The following PLCG2 variants were observed in gnomAD, a reference collection of about 807,000 sequenced individuals.
PLCG2 encodes 1-phosphatidylinositol 4,5-bisphosphate phosphodiesterase gamma-2.
Under a neutral mutation model 175.6 loss-of-function variants are expected in PLCG2, and 69 were observed. The ratio of observed to expected loss-of-function variants is 0.39; its 90% CI spans 0.32 to 0.48. PLCG2 has a LOEUF of 0.48. Ranked by LOEUF, PLCG2 falls within the 20% of genes least tolerant of loss-of-function variation. The pLI, the probability that PLCG2 is intolerant of heterozygous loss-of-function variation, is 0.91. For synonymous variants in PLCG2, 827 were observed against 624.0 expected (o/e 1.33, Z -4.85); for missense variants, 1,798 against 1,650.9 (o/e 1.09, Z -1.54).
chr16:81,743,313 G>A (rs9923559), intron 1 of PLCG2, among the ~76,000 whole-genome samples: 1 of 151,848 alleles, frequency 6.6e-6, no homozygotes, highest in Admixed American at 6.6e-5. Context: ...GTAGCACCAC[G>A]GCCTTCCAGT....
rs576315342 is a variant in PLCG2, at chr16:81,928,029, C to T, written c.2515-529C>T. 4.8e-3 allele frequency among the ~76,000 whole-genome samples: 385 copies of T among 79,500 alleles called. 6 individuals carry two copies. The highest frequency in any genetic ancestry group is 0.012 in the African/African-American group (368 of 30,120). The allele number at this position is 79,500 out of a possible 152,430, so 52.2% of individuals were successfully genotyped here. A position where few individuals can be genotyped will look rare whatever the true frequency, so the allele number is the denominator to read the frequency against. ...AGGAGTGGATGCCTGGTTCTGCCAC[C>T]TCTCCTAAGCCCAGGATATTCTTCA... is the stretch of plus-strand genomic sequence containing the variant. On this transcript the variant is annotated intron_variant, in intron 23 of 32. Transcript: ENST00000564138.
At chr16:81,863,787 A>G (rs1597361135) in intron 5 of PLCG2, among the ~76,000 whole-genome samples, 1 of 152,218 alleles carries the variant, frequency 6.6e-6, no homozygotes, top group East Asian at 1.9e-4. Context: ...GCATAAGTAG[A>G]ATGTGCACTT....
chr16:81,853,939 G>A (rs960340074), intron 2 of PLCG2, among the ~76,000 whole-genome samples: 6 of 152,096 alleles, frequency 3.9e-5, no homozygotes, highest in Admixed American at 1.3e-4. Flanking sequence ...ATTTGAATCA[G>A]TTAGTGCCTT....
rs1048144658 is a variant in PLCG2, at chr16:81,839,083, A to T, written c.194-15361A>T. 2.0e-5 allele frequency among the ~76,000 whole-genome samples: 3 copies of T among 152,282 alleles called. No individual in the cohort carries two copies. The South Asian group carries it at 6.2e-4, about 32-fold the overall frequency. Reference sequence around the variant, plus strand: ...CTAGGTAGAATTTAATCATATTGTCACGTTTCCACTGATTTTATTATTTTG... The same window carrying T: ...CTAGGTAGAATTTAATCATATTGTCTCGTTTCCACTGATTTTATTATTTTG... On this transcript the variant is annotated intron_variant, in intron 2 of 32. Transcript: ENST00000564138.
At chr16:81,880,769 A>C (rs1457847980) in intron 7 of PLCG2, 141 bp from the exon 8 acceptor site, 1 of 725,288 alleles carries the variant, frequency 1.4e-6, no homozygotes. Flanking sequence ...AATATTTACA[A>C]CTAACATCAA....
At chr16:81,800,158 G>T (rs1911658553) in intron 2 of PLCG2, among the ~76,000 whole-genome samples, 1 of 152,090 alleles carries the variant, frequency 6.6e-6, no homozygotes, top group Non-Finnish European at 1.5e-5. Context: ...ATAGTACCTG[G>T]CAAATATCCC....
At chr16:81,924,402 G>A (rs770931947) in intron 22 of PLCG2, among the ~76,000 whole-genome samples, 11 of 152,230 alleles carry the variant, frequency 7.2e-5, no homozygotes, top group South Asian at 2.1e-4. Flanking sequence ...TTTTAAGCAC[G>A]TTTGAAATAA....
chr16:81,903,415 C>A (rs1909234637), intron 14 of PLCG2, among the ~76,000 whole-genome samples: 1 of 152,232 alleles, frequency 6.6e-6, no homozygotes, highest in South Asian at 2.1e-4. Flanking sequence ...GTAAGAGCAT[C>A]AGTGCACGGG....
At chr16:81,942,811 C>T (rs1184878005) in intron 30 of PLCG2, among the ~76,000 whole-genome samples, 2 of 152,090 alleles carry the variant, frequency 1.3e-5, no homozygotes, top group Non-Finnish European at 2.9e-5. Context: ...TGCAGGCTGC[C>T]CTCTCACTGG....
intron 30 of PLCG2, among the ~76,000 whole-genome samples, chr16:81,944,532 A>G (rs763182057): frequency 9.2e-5 from 14 of 152,306 alleles, no homozygotes; most frequent in South Asian, 4.1e-4. Context: ...TTGTGTGATC[A>G]TAGCTCATGG....
intron 1 of PLCG2, among the ~76,000 whole-genome samples, chr16:81,746,648 C>A (rs1338460873): frequency 6.6e-6 from 1 of 152,204 alleles, no homozygotes; most frequent in Non-Finnish European, 1.5e-5. Flanking sequence ...TTCTGTGATG[C>A]CATTCATGTC....
At chr16:81,795,509 T>G (rs1013927272) in intron 2 of PLCG2, among the ~76,000 whole-genome samples, 2 of 152,130 alleles carry the variant, frequency 1.3e-5, no homozygotes, top group African/African-American at 4.8e-5. Flanking sequence ...TCCAGTGGGA[T>G]TGGGGGTGGG....
intron 21 of PLCG2, among the ~76,000 whole-genome samples, chr16:81,922,895 A>G (rs927630544): frequency 2.0e-5 from 3 of 152,240 alleles, no homozygotes; most frequent in African/African-American, 7.2e-5. Flanking sequence ...TTCTGTGAAC[A>G]GAGACCACCT....
intron 2 of PLCG2, among the ~76,000 whole-genome samples, chr16:81,771,058 A>AG: frequency 1.1e-5 from 1 of 92,520 alleles, no homozygotes; most frequent in East Asian, 4.0e-4. Flanking sequence ...ACTCCATCTC[A>AG]AAAAAAAAAA....
intron 2 of PLCG2, among the ~76,000 whole-genome samples, chr16:81,762,752 G>A (rs185199205): frequency 6.6e-6 from 1 of 152,136 alleles, no homozygotes; most frequent in Non-Finnish European, 1.5e-5. Flanking sequence ...AGTCCCCAAG[G>A]CTGGCTGATC....
intron 24 of PLCG2, among the ~76,000 whole-genome samples, chr16:81,930,999 A>G (rs748609773): frequency 3.3e-5 from 5 of 152,220 alleles, no homozygotes; most frequent in Non-Finnish European, 7.3e-5. Flanking sequence ...CTAATTGGTC[A>G]ACCAAAAAGA....
intron 2 of PLCG2, among the ~76,000 whole-genome samples, chr16:81,844,311 T>C (rs1264554482): frequency 1.3e-5 from 2 of 150,786 alleles, no homozygotes; most frequent in East Asian, 4.0e-4. Context: ...ATTTTTCTTT[T>C]CCTTTCTTTT....
At chr16:81,754,182 C>G (rs921450637) in intron 1 of PLCG2, among the ~76,000 whole-genome samples, 25 of 151,886 alleles carry the variant, frequency 1.6e-4, no homozygotes, top group African/African-American at 5.6e-4. Context: ...GTCTCCACCT[C>G]CACCTGAGTT....
intron 2 of PLCG2, among the ~76,000 whole-genome samples, chr16:81,759,130 C>T (rs952582032): frequency 6.6e-6 from 1 of 152,222 alleles, no homozygotes; most frequent in East Asian, 1.9e-4. Flanking sequence ...ATTCTTTACC[C>T]ACTGTTAATT....
Sources: gnomAD v4.1 joint callset for allele counts (sites outside exome capture counted in the v4.1 genomes callset) on GRCh38, gnomAD v4.1.1 for gene constraint, MANE v1.5 for transcripts, NCBI Gene and HGNC (gene_info 2026-07-23, HGNC 2026-07-21) for gene names.